The following FBXO44 variants were observed in gnomAD, a reference collection of about 807,000 sequenced individuals.
FBXO44 encodes F-box only protein 44.
In FBXO44, 25 loss-of-function variants were observed where a neutral mutation model predicts 33.5. The observed-to-expected ratio is 0.75, with a 90% CI of 0.54 to 1.04. The LOEUF (loss-of-function observed/expected upper bound fraction) is 1.04, where lower values mean the gene tolerates loss of function less well. FBXO44 is among the 50% of genes least tolerant of loss of function. FBXO44 has a pLI of 0.00. For synonymous variants in FBXO44, 147 were observed against 152.8 expected, an observed-to-expected ratio of 0.96 and a Z score of 0.28; for missense variants, 311 against 344.0, an observed-to-expected ratio of 0.90 and a Z score of 0.76.
At chr1:11,659,292 C>T (rs1388990776) in intron 5 of FBXO44, among the ~76,000 whole-genome samples, 1 of 152,126 alleles carries the variant, frequency 6.6e-6, no homozygotes, top group Non-Finnish European at 1.5e-5. Context: ...GCAGAAGAAT[C>T]GCTTGAATCC....
chr1:11,658,441 C>G lies in FBXO44; in HGVS notation c.392+48C>G, dbSNP rs751851608. ...AGGGGAAAGCCCAAATCAATTTACC[C>G]TGGGGTCTCTCCCACCCTGGAAGGG... On this transcript the variant is annotated intron_variant, in intron 3 of 5. Coordinates refer to ENST00000251547, the MANE Select transcript of FBXO44 (RefSeq NM_033182.7). 5.6e-6 allele frequency: 9 copies of G among 1,612,488 alleles called. No individual in the cohort carries two copies. In the African/African-American group the frequency reaches 1.2e-4, roughly 22 times the overall value.
At chr1:11,656,971 C>A (rs1052385661) in intron 2 of FBXO44, among the ~76,000 whole-genome samples, 1 of 152,144 alleles carries the variant, frequency 6.6e-6, no homozygotes, top group Non-Finnish European at 1.5e-5. Flanking sequence ...GAGATCCAGT[C>A]GTCTTCTCAG....
At chr1:11,658,237 C>T in intron 2 of FBXO44, 30 bp from the exon 3 acceptor site, 1 of 1,611,672 alleles carries the variant, frequency 6.2e-7, no homozygotes, top group Non-Finnish European at 8.5e-7. Flanking sequence ...GAGGGGCTTC[C>T]CTTCAGTGTG....
chr1:11,654,430 G>T, upstream of FBXO44: 1 of 1,259,764 alleles, frequency 7.9e-7, no homozygotes, highest in Non-Finnish European at 1.0e-6. Context: ...GTCCGCGTCT[G>T]TGTCGGTCCC....
rs553003864 is a variant in FBXO44, at chr1:11,658,891, G to C, written c.624+20G>C. The C allele has an allele frequency of 6.2e-7, 1 of 1,601,744 alleles. No individual in the cohort carries two copies. The highest frequency in any genetic ancestry group is 1.3e-5 in the African/African-American group (1 of 74,942). On this transcript the variant is annotated intron_variant, in intron 5 of 5. Transcript: ENST00000251547. ...AGGGAGGTGCGTGGGCCTGGGGGAC[G>C]GGGGCAGAGGCAGATCGTCCAAGGC... is the stretch of plus-strand genomic sequence containing the variant.
chr1:11,660,525 C>G (rs58092895), intron 5 of FBXO44, among the ~76,000 whole-genome samples: 10,334 of 152,302 alleles, frequency 0.068, 843 homozygotes, highest in East Asian at 0.46. Flanking sequence ...CATCCTTTGG[C>G]AGCTTGCAGT....
Position 11,655,866 on chromosome 1 carries a change from G to A in FBXO44, c.31G>A (p.Glu11Lys), listed in dbSNP as rs1430259795. The A allele has an allele frequency of 6.2e-7, 1 of 1,613,856 alleles. No individual in the cohort carries two copies. Among genetic ancestry groups the A allele is most frequent in the Non-Finnish European group, 8.5e-7 (1 of 1,179,954 alleles). ...TGTGGGGAACATCAACGAGCTGCCCGAGAACATCCTGCTGGAGCTGTTCAC... is the reference window on the plus strand; with the variant it reads ...TGTGGGGAACATCAACGAGCTGCCCAAGAACATCCTGCTGGAGCTGTTCAC... MAVGNINELPENILLELFTHV... is the reference protein window; with the variant it reads MAVGNINELPKNILLELFTHV... The change falls in exon 2 of 6, where the codon GAG becomes AAG. Residue 11 changes from glutamate (E) to lysine (K), a missense_variant. Physicochemically the swap from Glu to Lys is moderately conservative, Grantham distance 56 (BLOSUM62 1). Transcript: ENST00000251547.
rs758103142 is a variant in FBXO44 at position 11,658,780 on chromosome 1, T to G, written c.533T>G (p.Val178Gly). Residue 178 changes from valine (V) to glycine (G), a missense_variant, in exon 5 of 6, where the codon GTT becomes GGT. Transcript: ENST00000251547. ...PDCGSKYQLCVQLLSSAHAPL... is the reference protein window; with the variant it reads ...PDCGSKYQLCGQLLSSAHAPL... ...TGCGGGTCCAAGTACCAGCTGTGCGTTCAGCTCCTGTCGTCCGCGCACGCG... is the reference window on the plus strand; with the variant it reads ...TGCGGGTCCAAGTACCAGCTGTGCGGTCAGCTCCTGTCGTCCGCGCACGCG... 3 of 1,613,778 alleles carry G rather than the reference T, an allele frequency of 1.9e-6. No individual in the cohort carries two copies. Among genetic ancestry groups the G allele is most frequent in the Non-Finnish European group, 2.5e-6 (3 of 1,179,928 alleles).
upstream of FBXO44, chr1:11,654,658 G>C (rs1557656509): frequency 6.9e-6 from 2 of 288,374 alleles, no homozygotes. Flanking sequence ...GGGGACTGCT[G>C]GGAGGAGGCG....
chr1:11,657,793 A>G (rs150286879), intron 2 of FBXO44, among the ~76,000 whole-genome samples: 17 of 152,278 alleles, frequency 1.1e-4, no homozygotes, highest in African/African-American at 3.9e-4. Flanking sequence ...ATAGGAAAAG[A>G]AACAACAACA....
Position 11,661,192 on chromosome 1 carries a change from C to T in FBXO44, c.687C>T (p.Gly229=), listed in dbSNP as rs528772458. The T allele has an allele frequency of 9.9e-6, 16 of 1,614,138 alleles. No homozygotes were observed. The highest frequency in any genetic ancestry group is 6.7e-5 in the East Asian group (3 of 44,868). Reference sequence around the variant, plus strand: ...GCTACATCTGGTTTCAGCACGGCGGCGTGGACACTCATTACTGGGCCGGCT... The same window carrying T: ...GCTACATCTGGTTTCAGCACGGCGGTGTGGACACTCATTACTGGGCCGGCT... ...GVRYIWFQHG[G]VDTHYWAGWY... The change falls in exon 6 of 6, where the codon GGC becomes GGT. Residue 229 remains glycine (G), a synonymous_variant. Transcript: ENST00000251547. The surrounding 1 kb of genome is among the most constrained non-coding windows in gnomAD (Gnocchi z 4.4).
chr1:11,657,816 A>G (rs934462371), intron 2 of FBXO44, among the ~76,000 whole-genome samples: 4 of 152,160 alleles, frequency 2.6e-5, no homozygotes, highest in African/African-American at 9.7e-5. Context: ...AAAACTATAC[A>G]ATAGAGATAG....
In FBXO44 at chr1:11,659,976, G is replaced by T. The variant is rs546794775; in HGVS notation, c.624+1105G>T. On this transcript the variant is annotated intron_variant, in intron 5 of 5. Transcript: ENST00000251547. Reference sequence around the variant, plus strand: ...AACTTTATTTATAAAAACAGGCAGTGGGCCTGCAGGCCATCGTTTGCCAAC... The same window carrying T: ...AACTTTATTTATAAAAACAGGCAGTTGGCCTGCAGGCCATCGTTTGCCAAC... Among the ~76,000 whole-genome samples the T allele has an allele frequency of 5.3e-5, 8 of 152,300 alleles. No individual in the cohort carries two copies. The South Asian group carries it at 8.3e-4, about 16-fold the overall frequency.
Position 11,661,542 on chromosome 1 carries a change from G to A in FBXO44, c.*269G>A, listed in dbSNP as rs1233875269. 6 of 474,418 alleles carry A rather than the reference G, an allele frequency of 1.3e-5. No individual in the cohort carries two copies. The highest frequency in any genetic ancestry group is 2.2e-5 in the Non-Finnish European group (6 of 268,088). The allele number at this position is 474,418 out of a possible 1,614,324, so 29.4% of individuals were successfully genotyped here. ...AGACGGAGCACCTGAGATGTGGGAGGTGCAGCATGTTCCCCTGGGCCCCTC... is the reference window on the plus strand; with the variant it reads ...AGACGGAGCACCTGAGATGTGGGAGATGCAGCATGTTCCCCTGGGCCCCTC... On this transcript the variant is annotated 3_prime_UTR_variant, in exon 6 of 6. Coordinates refer to ENST00000251547, the MANE Select transcript of FBXO44 (RefSeq NM_033182.7). The surrounding 1 kb of genome is among the most constrained non-coding windows in gnomAD (Gnocchi z 4.4).
At chr1:11,658,476 G>C in intron 3 of FBXO44, 57 bp from the exon 4 acceptor site, 1 of 1,609,436 alleles carries the variant, frequency 6.2e-7, no homozygotes, top group Non-Finnish European at 8.5e-7. Context: ...GGCAGTCCTA[G>C]CCCCTCACTG....
intron 2 of FBXO44, among the ~76,000 whole-genome samples, chr1:11,657,873 G>T (rs1639911225): frequency 6.6e-6 from 1 of 152,176 alleles, no homozygotes; most frequent in African/African-American, 2.4e-5. Flanking sequence ...TGCCAAAAAT[G>T]CTTCTCAGCC....
Position 11,655,917 on chromosome 1 carries a change from C to G in FBXO44, c.82C>G (p.Leu28Val), listed in dbSNP as rs1326540757. The G allele has an allele frequency of 6.2e-7, 1 of 1,613,970 alleles. No homozygotes were observed. Among genetic ancestry groups the G allele is most frequent in the East Asian group, 2.2e-5 (1 of 44,878 alleles). Residue 28 changes from leucine (L) to valine (V), a missense_variant, in exon 2 of 6, where the codon CTG becomes GTG. By Grantham distance (32) the Leu-to-Val change is conservative. Transcript: ENST00000251547. ...FTHVPARQLLLNCRLVCSLWR... is the reference protein window; with the variant it reads ...FTHVPARQLLVNCRLVCSLWR... ...GCACGTGCCCGCCCGCCAGCTGCTG[C>G]TGAACTGCCGCCTGGTCTGCAGCCT... is the stretch of plus-strand genomic sequence containing the variant.
chr1:11,656,311 CTTTTTTT>C (rs34347559), intron 2 of FBXO44, among the ~76,000 whole-genome samples: 2 of 93,874 alleles, frequency 2.1e-5, no homozygotes, highest in African/African-American at 4.9e-5. Context: ...TTACTATACT[CTTTTTTT>C]TTTTTTTTTT....
chr1:11,658,424 G>A lies in FBXO44; in HGVS notation c.392+31G>A, dbSNP rs199779572. The A allele has an allele frequency of 7.4e-6, 12 of 1,613,464 alleles. No homozygotes were observed. In the East Asian group the frequency reaches 2.7e-4, roughly 36 times the overall value. On this transcript the variant is annotated intron_variant, in intron 3 of 5. Transcript: ENST00000251547. ...ATCCGGGGACTTGGGGTAGGGGAAA[G>A]CCCAAATCAATTTACCCTGGGGTCT...
Sources: allele counts gnomAD v4.1 joint callset (sites outside exome capture counted in the v4.1 genomes callset), GRCh38; gene constraint gnomAD v4.1.1; non-coding constraint Gnocchi (gnomAD v3.1); transcripts MANE v1.5; gene names NCBI Gene and HGNC (gene_info 2026-07-23, HGNC 2026-07-21).